The following KPNA6 variants were observed in gnomAD, a reference collection of about 807,000 sequenced individuals.
The protein encoded by KPNA6 is importin subunit alpha-7.
In KPNA6, 9 loss-of-function variants were observed where a neutral mutation model predicts 72.0. That is an observed-to-expected ratio of 0.13 (90% CI 0.08 to 0.22). The LOEUF is 0.22. KPNA6 is among the 10% of genes least tolerant of loss of function. The pLI, the probability that KPNA6 is intolerant of heterozygous loss-of-function variation, is 1.00. For synonymous variants in KPNA6, 219 were observed against 242.1 expected (o/e 0.90, Z 0.89); for missense variants, 374 against 655.7 (o/e 0.57, Z 4.69).
At chr1:32,135,390 GT>G (rs1641716601) in intron 1 of KPNA6, among the ~76,000 whole-genome samples, 1 of 151,962 alleles carries the variant, frequency 6.6e-6, no homozygotes, top group Admixed American at 6.6e-5. Context: ...TAGAGACAGG[GT>G]TTTGGCATGT....
chr1:32,152,166 C>CA (rs1043505243), intron 1 of KPNA6, among the ~76,000 whole-genome samples: 11 of 151,418 alleles, frequency 7.3e-5, no homozygotes, highest in African/African-American at 1.9e-4. Flanking sequence ...CCCATCTCTA[C>CA]AAAAAAAACG....
chr1:32,139,625 C>G (rs1641803680), intron 1 of KPNA6, among the ~76,000 whole-genome samples: 1 of 152,062 alleles, frequency 6.6e-6, no homozygotes, highest in Non-Finnish European at 1.5e-5. Context: ...GAAAACTGAC[C>G]TAGTCTCTTC....
At chr1:32,139,113 G>T (rs565628219) in intron 1 of KPNA6, among the ~76,000 whole-genome samples, 1 of 152,134 alleles carries the variant, frequency 6.6e-6, no homozygotes. Context: ...CTGGAACAAC[G>T]TATATGCTCG....
intron 1 of KPNA6, among the ~76,000 whole-genome samples, chr1:32,134,298 C>T (rs1412965428): frequency 6.6e-6 from 1 of 151,352 alleles, no homozygotes; most frequent in Non-Finnish European, 1.5e-5. Context: ...AACTGCCCTT[C>T]TAAAATGAGG....
intron 1 of KPNA6, among the ~76,000 whole-genome samples, chr1:32,122,437 T>C (rs1039330677): frequency 4.0e-5 from 6 of 150,072 alleles, no homozygotes; most frequent in African/African-American, 1.5e-4. Context: ...ACTTGGTAAG[T>C]GGCCTGTGCA....
intron 1 of KPNA6, among the ~76,000 whole-genome samples, chr1:32,149,883 T>C (rs1317324650): frequency 6.6e-6 from 1 of 152,112 alleles, no homozygotes. Flanking sequence ...TTACCAGCTT[T>C]TTGTTTTTTC....
At position 32,172,668 on chromosome 1, in the gene KPNA6, A is replaced by G. The variant is rs1043787213; in HGVS notation, c.*1774A>G. On this transcript the variant is annotated 3_prime_UTR_variant, in exon 14 of 14. Transcript: ENST00000373625. ...TTGCCTGTGCCTCTGGGTGGATTAC[A>G]TATGATAGTAAAGCCCACCTGTTTG... The G allele has an allele frequency of 6.2e-6, 1 of 160,070 alleles. No individual in the cohort carries two copies. The highest frequency in any genetic ancestry group is 2.4e-5 in the African/African-American group (1 of 41,714). The allele number at this position is 160,070 out of a possible 1,614,324, so 9.9% of individuals were successfully genotyped here.
intron 1 of KPNA6, among the ~76,000 whole-genome samples, chr1:32,151,907 C>T (rs564279415): frequency 6.6e-6 from 1 of 152,336 alleles, no homozygotes; most frequent in East Asian, 1.9e-4. Context: ...CAAGATACAA[C>T]AGTTCTAAAT....
chr1:32,141,354 C>T (rs1227088771), intron 1 of KPNA6, among the ~76,000 whole-genome samples: 5 of 44,424 alleles, frequency 1.1e-4, no homozygotes, highest in African/African-American at 2.8e-4. Flanking sequence ...TCCATTAGGG[C>T]TTTTTTTTTT....
chr1:32,161,496 CAT>C (rs1642238016), intron 7 of KPNA6, among the ~76,000 whole-genome samples: 1 of 152,214 alleles, frequency 6.6e-6, no homozygotes, highest in Non-Finnish European at 1.5e-5. Flanking sequence ...ACCACAGTCT[CAT>C]AGCCTACCAC....
intron 1 of KPNA6, among the ~76,000 whole-genome samples, chr1:32,125,977 A>G (rs1641524395): frequency 1.5e-5 from 2 of 134,680 alleles, no homozygotes; most frequent in African/African-American, 5.6e-5. Context: ...GACTATATTT[A>G]CTAAAAAAAA....
Position 32,166,248 on chromosome 1 carries a change from G to A in KPNA6, c.1116+18G>A. ...AAATACAGGTAAAACAGGCAGGGAA[G>A]TCAAGGGGCATGGGAAGTCATAGGA... On this transcript the variant is annotated intron_variant, in intron 11 of 13. Coordinates refer to ENST00000373625, the MANE Select transcript of KPNA6 (RefSeq NM_012316.5). The A allele has an allele frequency of 6.2e-7, 1 of 1,607,628 alleles. No homozygotes were observed. Among genetic ancestry groups the A allele is most frequent in the Non-Finnish European group, 8.5e-7 (1 of 1,177,918 alleles).
chr1:32,141,561 C>T (rs1265255917), intron 1 of KPNA6, among the ~76,000 whole-genome samples: 2 of 151,560 alleles, frequency 1.3e-5, no homozygotes, highest in East Asian at 3.9e-4. Flanking sequence ...TCATGCCTGG[C>T]TAATTTTTAT....
At chr1:32,108,974 A>T (rs1211963517) in intron 1 of KPNA6, among the ~76,000 whole-genome samples, 5 of 152,232 alleles carry the variant, frequency 3.3e-5, no homozygotes, top group African/African-American at 1.2e-4. Flanking sequence ...AAATTTGCTA[A>T]GCTCTTTCTA....
At chr1:32,119,026 A>ATTT (rs1221375496) in intron 1 of KPNA6, among the ~76,000 whole-genome samples, 5 of 69,386 alleles carry the variant, frequency 7.2e-5, no homozygotes, top group Admixed American at 3.9e-4. Flanking sequence ...ATATATATAT[A>ATTT]TATATATTTT....
At position 32,134,948 on chromosome 1, in the gene KPNA6, C is replaced by G. The variant is rs1021286915; in HGVS notation, c.5-19640C>G. On this transcript the variant is annotated intron_variant, in intron 1 of 13. Coordinates refer to ENST00000373625, the MANE Select transcript of KPNA6 (RefSeq NM_012316.5). ...CGAGATGGAGTCTTGCTCTATTGCC[C>G]AGGCTGGAGTGCAGTGGCACAATCT... Among the ~76,000 whole-genome samples, 3 of 150,894 alleles carry G rather than the reference C, an allele frequency of 2.0e-5. No homozygotes were observed. The East Asian group carries it at 5.8e-4, about 29-fold the overall frequency.
Position 32,170,972 on chromosome 1 carries a change from C to G in KPNA6, c.*78C>G, listed in dbSNP as rs916327602. 10 of 1,307,810 alleles carry G rather than the reference C, an allele frequency of 7.6e-6. No homozygotes were observed. The Middle Eastern group carries it at 7.6e-4, about 100-fold the overall frequency. The allele number at this position is 1,307,810 out of a possible 1,614,324, so 81.0% of individuals were successfully genotyped here. ...AGCAGCCCTCTGGTGGGCGGGAAAC[C>G]AGTGTCCCCACCATCAGCCACCACA... On this transcript the variant is annotated 3_prime_UTR_variant, in exon 14 of 14. Transcript: ENST00000373625.
At chr1:32,125,871 C>T (rs1641522409) in intron 1 of KPNA6, among the ~76,000 whole-genome samples, 2 of 146,026 alleles carry the variant, frequency 1.4e-5, no homozygotes. Flanking sequence ...GTTTCTGTAG[C>T]AAAAATATCC....
chr1:32,158,236 G>A, intron 4 of KPNA6, 31 bp from the exon 5 acceptor site: 1 of 1,471,266 alleles, frequency 6.8e-7, no homozygotes, highest in Non-Finnish European at 9.5e-7. Flanking sequence ...AGCTTCTCCT[G>A]TGTTTTTATT....
Sources: gnomAD v4.1 joint callset for allele counts (sites outside exome capture counted in the v4.1 genomes callset) on GRCh38, gnomAD v4.1.1 for gene constraint, MANE v1.5 for transcripts, NCBI Gene and HGNC (gene_info 2026-07-23, HGNC 2026-07-21) for gene names.